The following USP7 variants were observed in gnomAD, a reference collection of about 807,000 sequenced individuals.
USP7 encodes ubiquitin C-terminal hydrolase 7.
Under a neutral mutation model 162.9 loss-of-function variants are expected in USP7, and 9 were observed. The observed-to-expected ratio is 0.06, with a 90% CI of 0.03 to 0.10. The LOEUF (loss-of-function observed/expected upper bound fraction) is 0.10. Ranked by LOEUF, USP7 falls within the 10% of genes least tolerant of loss-of-function variation. USP7 has a pLI of 1.00. For missense variants in USP7, 715 were observed against 1,373.7 expected (o/e 0.52, Z 7.58); for synonymous variants, 562 against 475.9 (o/e 1.18, Z -2.35).
chr16:8,922,788 C>T (rs754144696), intron 3 of USP7, among the ~76,000 whole-genome samples: 2 of 152,192 alleles, frequency 1.3e-5, no homozygotes, highest in Admixed American at 1.3e-4. Context: ...AAATGTTCCT[C>T]AAGTCAGAGG....
intron 1 of USP7, among the ~76,000 whole-genome samples, chr16:8,941,560 G>A (rs1223772178): frequency 6.6e-6 from 1 of 152,198 alleles, no homozygotes; most frequent in African/African-American, 2.4e-5. Flanking sequence ...CGGCTTTTTT[G>A]TCCACGCACG....
At chr16:8,896,583 C>T (rs533943814) in intron 26 of USP7, among the ~76,000 whole-genome samples, 8 of 152,136 alleles carry the variant, frequency 5.3e-5, no homozygotes, top group Non-Finnish European at 1.2e-4. Context: ...AGAAGTGACT[C>T]AATCTGTCAA....
At chr16:8,933,299 A>T (rs1898478374) in intron 1 of USP7, among the ~76,000 whole-genome samples, 1 of 152,144 alleles carries the variant, frequency 6.6e-6, no homozygotes, top group Admixed American at 6.5e-5. Context: ...TAATCCCAGC[A>T]CTTGTGGGGG....
chr16:8,959,724 G>A (rs950059149), intron 1 of USP7, among the ~76,000 whole-genome samples: 4 of 152,124 alleles, frequency 2.6e-5, no homozygotes, highest in Non-Finnish European at 5.9e-5. Flanking sequence ...AGTTTATCTG[G>A]CTGGGTGTGT....
chr16:8,905,498 A>G (rs1351940854), intron 13 of USP7, among the ~76,000 whole-genome samples, 167 bp from the exon 14 acceptor site: 3 of 152,234 alleles, frequency 2.0e-5, no homozygotes, highest in African/African-American at 7.2e-5. Context: ...TGTGCTAGGC[A>G]GGCAGCGCCT....
Position 8,894,529 on chromosome 16 carries a change from CGGG to C in USP7, c.3202+18_3202+20del. ...TTAGTCTGAAACCCACACCAGCCCC[CGGG>C]GGGGGGAGAACCCTTACCGGGCTGT... On this transcript the variant is annotated intron_variant, in intron 30 of 30. Coordinates refer to ENST00000344836, the MANE Select transcript of USP7 (RefSeq NM_003470.3). The C allele has an allele frequency of 6.7e-7, 1 of 1,487,768 alleles. No homozygotes were observed. Among genetic ancestry groups the C allele is most frequent in the Non-Finnish European group, 9.2e-7 (1 of 1,090,356 alleles). The allele number at this position is 1,487,768 out of a possible 1,614,324, so 92.2% of individuals were successfully genotyped here.
chr16:8,916,839 G>A (rs1463717350), intron 7 of USP7, among the ~76,000 whole-genome samples, 187 bp downstream of exon 7: 1 of 152,078 alleles, frequency 6.6e-6, no homozygotes, highest in Non-Finnish European at 1.5e-5. Context: ...CTACAACAAA[G>A]TGTCTATTTC....
intron 25 of USP7, among the ~76,000 whole-genome samples, chr16:8,897,734 T>A (rs1469617904): frequency 4.9e-4 from 50 of 102,402 alleles, no homozygotes; most frequent in African/African-American, 1.9e-3. Context: ...AAAATATATA[T>A]ATATATATAT....
intron 25 of USP7, among the ~76,000 whole-genome samples, chr16:8,897,656 G>T (rs2061703897): frequency 7.8e-6 from 1 of 128,150 alleles, no homozygotes; most frequent in East Asian, 2.5e-4. Context: ...GAGCCCAGGA[G>T]CTCAAGACCA....
chr16:8,901,660 T>C (rs1054677138), intron 18 of USP7, among the ~76,000 whole-genome samples: 12 of 152,210 alleles, frequency 7.9e-5, no homozygotes, highest in Non-Finnish European at 1.8e-4. Flanking sequence ...GATCCACCTG[T>C]TTTGTCGATA....
chr16:8,898,886 G>T (rs1483525588), intron 23 of USP7, among the ~76,000 whole-genome samples: 1 of 152,210 alleles, frequency 6.6e-6, no homozygotes, highest in Non-Finnish European at 1.5e-5. Flanking sequence ...GGACACATGG[G>T]AGATGCACTG....
At chr16:8,934,290 T>A (rs1452072482) in intron 1 of USP7, among the ~76,000 whole-genome samples, 1 of 152,076 alleles carries the variant, frequency 6.6e-6, no homozygotes, top group Non-Finnish European at 1.5e-5. Context: ...AATTCTGAGG[T>A]ACAGGTTATG....
intron 4 of USP7, 119 bp downstream of exon 4, chr16:8,921,038 C>T: frequency 8.6e-7 from 1 of 1,157,338 alleles, no homozygotes. Context: ...AGACACTTGT[C>T]CAATTTAGAA....
intron 1 of USP7, among the ~76,000 whole-genome samples, chr16:8,952,075 GA>G (rs554215712): frequency 7.2e-5 from 1 of 13,882 alleles, no homozygotes; most frequent in East Asian, 0.019. Flanking sequence ...TAAAAAAGTA[GA>G]CCCCCCCGTC....
At chr16:8,900,448 G>C (rs561423364) in intron 21 of USP7, 82 bp downstream of exon 21, 2 of 1,007,474 alleles carry the variant, frequency 2.0e-6, no homozygotes, top group Non-Finnish European at 2.8e-6. Flanking sequence ...TCGGGATCTA[G>C]GTACAAATGT....
Position 8,963,259 on chromosome 16 carries a change from C to T in USP7, c.27G>A (p.Gln9=). 1 of 1,359,912 alleles carries T rather than the reference C, an allele frequency of 7.4e-7. No homozygotes were observed. The highest frequency in any genetic ancestry group is 9.6e-7 in the Non-Finnish European group (1 of 1,043,370). 84.2% of individuals were successfully genotyped at this position (1,359,912 alleles called of 1,614,324 possible). MNHQQQQQ[Q]QKAGEQQLSE... ...TCAACTGCTGCTCGCCCGCTTTCTG[C>T]TGCTGCTGCTGCTGCTGGTGGTTCA... Residue 9 remains glutamine (Q), a synonymous_variant, in exon 1 of 31, where the codon CAG becomes CAA. Coordinates refer to ENST00000344836, the MANE Select transcript of USP7 (RefSeq NM_003470.3).
chr16:8,942,434 G>C (rs1027024210), intron 1 of USP7, among the ~76,000 whole-genome samples: 1 of 152,188 alleles, frequency 6.6e-6, no homozygotes, highest in East Asian at 1.9e-4. Context: ...CACTGTGAGG[G>C]TCTGACCACC....
intron 1 of USP7, among the ~76,000 whole-genome samples, chr16:8,951,931 G>A (rs1314164498): frequency 1.3e-5 from 2 of 152,170 alleles, no homozygotes; most frequent in Non-Finnish European, 2.9e-5. Flanking sequence ...GGACTATTCA[G>A]GCAGTGGGCT....
chr16:8,901,830 A>ACAG, intron 18 of USP7: 1 of 517,694 alleles, frequency 1.9e-6, no homozygotes, highest in Non-Finnish European at 3.4e-6. Flanking sequence ...CGTGATTAGC[A>ACAG]CAGCACAGCA....
Sources: gnomAD v4.1 joint callset for allele counts (sites outside exome capture counted in the v4.1 genomes callset) on GRCh38, gnomAD v4.1.1 for gene constraint, MANE v1.5 for transcripts, NCBI Gene and HGNC (gene_info 2026-07-23, HGNC 2026-07-21) for gene names.